Variants in ERCC6 observed in about 807,000 individuals in gnomAD.
The protein encoded by ERCC6 is DNA excision repair protein ERCC-6.
In ERCC6, 116 loss-of-function variants were observed where a neutral mutation model predicts 158.7. That is an observed-to-expected ratio of 0.73 (90% CI 0.63 to 0.85). ERCC6 has a LOEUF of 0.85. Ranked by LOEUF, ERCC6 falls within the 40% of genes least tolerant of loss-of-function variation. The probability of loss-of-function intolerance (pLI) is 0.00; values close to 1 mark genes in which losing one functional copy is unlikely to be tolerated. For synonymous variants in ERCC6, 678 were observed against 659.3 expected, an observed-to-expected ratio of 1.03 and a Z score of -0.43; for missense variants, 1,698 against 1,799.4, an observed-to-expected ratio of 0.94 and a Z score of 1.02.
At chr10:49,500,842 ATTATAT>A (rs1401931986) in intron 6 of ERCC6, 146 bp from the exon 7 acceptor site, 12 of 806,730 alleles carry the variant, frequency 1.5e-5, no homozygotes, top group East Asian at 2.7e-5. Flanking sequence ...TTACATGAGT[ATTATAT>A]TTATAAGGTC....
chr10:49,484,817 T>A (rs887317884), intron 8 of ERCC6, among the ~76,000 whole-genome samples: 1 of 152,090 alleles, frequency 6.6e-6, no homozygotes, highest in African/African-American at 2.4e-5. Context: ...AAGAAAATAT[T>A]CCCTTCAGAG....
At chr10:49,479,701 C>A (rs888439388) in intron 10 of ERCC6, among the ~76,000 whole-genome samples, 1 of 152,196 alleles carries the variant, frequency 6.6e-6, no homozygotes, top group African/African-American at 2.4e-5. Flanking sequence ...ACCCACACCC[C>A]CTTCCGCAGA....
intron 6 of ERCC6, chr10:49,504,946 T>C (rs766857552): frequency 1.3e-5 from 2 of 151,958 alleles, no homozygotes; most frequent in Non-Finnish European, 2.9e-5. Context: ...TGAGAGAAAA[T>C]ATAAAGAGCA....
intron 5 of ERCC6, chr10:49,515,506 C>CT: frequency 6.2e-7 from 1 of 1,614,090 alleles, no homozygotes; most frequent in Non-Finnish European, 8.5e-7. Flanking sequence ...TGAGGTCTTC[C>CT]TTTTTGGCCA....
chr10:49,473,357 G>C, intron 14 of ERCC6, 120 bp downstream of exon 14: 1 of 816,016 alleles, frequency 1.2e-6, no homozygotes, highest in Non-Finnish European at 2.2e-6. Flanking sequence ...TCTCCCCTTA[G>C]GCCCCCTCCC....
chr10:49,493,252 C>T lies in ERCC6; in HGVS notation c.1686G>A (p.Arg562=). The T allele has an allele frequency of 9.9e-6, 16 of 1,614,086 alleles. No individual in the cohort carries two copies. Among genetic ancestry groups the T allele is most frequent in the Non-Finnish European group, 1.4e-5 (16 of 1,180,014 alleles). Residue 562 remains arginine, a splice_region_variant and synonymous_variant, in exon 8 of 21, where the codon AGG becomes AGA. Transcript: ENST00000355832. ...SKIRTRGSNY[R]FEGLGPTVIV... ...TTACAGTTGGACCCAACCCCTCAAA[C>T]CTGCATCCAAACGTCCAAGAAGAAA...
rs116032070 is a variant in ERCC6 at position 49,461,531 on chromosome 10, G to A, written c.3804C>T (p.His1268=). Residue 1268 remains histidine (H), a synonymous_variant, in exon 19 of 21, where the codon CAC becomes CAT. Coordinates refer to ENST00000355832, the MANE Select transcript of ERCC6 (RefSeq NM_000124.4). Reference sequence around the variant, plus strand: ...GGCTGGCTCCATCCATGATGGCATCGTGCTTCATGACACTGTGCACGCCAA... The same window carrying A: ...GGCTGGCTCCATCCATGATGGCATCATGCTTCATGACACTGTGCACGCCAA... ...KSVGVHSVMK[H]DAIMDGASPD... 7.3e-4 allele frequency: 1,183 copies of A among 1,613,910 alleles called. 2 individuals are homozygous for A. Among genetic ancestry groups the A allele is most frequent in the Non-Finnish European group, 9.2e-4 (1,091 of 1,179,934 alleles).
intron 1 of ERCC6, among the ~76,000 whole-genome samples, chr10:49,535,313 G>C (rs1166267962): frequency 2.6e-5 from 4 of 152,300 alleles, no homozygotes; most frequent in South Asian, 4.1e-4. Context: ...GGAAAGTCTG[G>C]GTGACATGTG....
chr10:49,493,204 C>A lies in ERCC6; in HGVS notation c.1734G>T (p.Met578Ile). 2 of 1,614,144 alleles carry A rather than the reference C, an allele frequency of 1.2e-6. No homozygotes were observed. The highest frequency in any genetic ancestry group is 1.7e-6 in the Non-Finnish European group (2 of 1,180,002). Reference protein sequence around the residue: ...PTVIVCPTTVMHQWVKEFHTW... With the variant: ...PTVIVCPTTVIHQWVKEFHTW... ...TGTGAAATTCCTTCACCCACTGATGCATCACTGTTGTTGGACAGACAATTA... is the reference window on the plus strand; with the variant it reads ...TGTGAAATTCCTTCACCCACTGATGAATCACTGTTGTTGGACAGACAATTA... Residue 578 changes from methionine to isoleucine, a missense_variant, in exon 8 of 21, where the codon ATG (methionine) becomes ATT (isoleucine). Transcript: ENST00000355832.
At chr10:49,461,658 T>C (rs1235531053) in intron 18 of ERCC6, 102 bp from the exon 19 acceptor site, 8 of 1,121,782 alleles carry the variant, frequency 7.1e-6, no homozygotes, top group Non-Finnish European at 7.8e-6. Flanking sequence ...AAAAACAAAG[T>C]GATAGTACAC....
At position 49,524,561 on chromosome 10, in the gene ERCC6, C is replaced by T; in HGVS notation, c.869G>A (p.Cys290Tyr). The change falls in exon 5 of 21, where the codon TGT becomes TAT. Residue 290 changes from cysteine (C) to tyrosine (Y), a missense_variant. Physicochemically the swap from Cys to Tyr is radical, Grantham distance 194. Coordinates refer to ENST00000355832, the MANE Select transcript of ERCC6 (RefSeq NM_000124.4). ...AGCTTTTCTAGCTGCTCTTTTATTACAACCTTGCTTCTTCCTTTCAAAAGA... is the reference window on the plus strand; with the variant it reads ...AGCTTTTCTAGCTGCTCTTTTATTATAACCTTGCTTCTTCCTTTCAAAAGA... ...KLSFERKKQG[C>Y]NKRAARKAPA... 4 of 1,614,226 alleles carry T rather than the reference C, an allele frequency of 2.5e-6. No individual in the cohort carries two copies. Among genetic ancestry groups the T allele is most frequent in the Non-Finnish European group, 3.4e-6 (4 of 1,180,030 alleles).
rs371544606 is a variant in ERCC6 at position 49,524,039 on chromosome 10, C to T, written c.1391G>A (p.Arg464Gln). The T allele has an allele frequency of 9.9e-6, 16 of 1,613,114 alleles. No individual in the cohort carries two copies. The East Asian group carries it at 3.3e-4, about 34-fold the overall frequency. ...ATAATCCCCACAGACCGACCTTAAC[C>T]GCTGCTTATAATAATCTTCATCTCC... Reference protein sequence around the residue: ...DDGDEDYYKQRLRRWNKLRLQ... With the variant: ...DDGDEDYYKQQLRRWNKLRLQ... Residue 464 changes from arginine to glutamine, a missense_variant, in exon 5 of 21, where the codon CGG (arginine) becomes CAG (glutamine). By Grantham distance (43) the Arg-to-Gln change is conservative (BLOSUM62 1). Coordinates refer to ENST00000355832, the MANE Select transcript of ERCC6 (RefSeq NM_000124.4).
intron 5 of ERCC6, among the ~76,000 whole-genome samples, chr10:49,517,307 T>C (rs945969434): frequency 6.6e-6 from 1 of 152,228 alleles, no homozygotes; most frequent in African/African-American, 2.4e-5. Context: ...GTATAGGATG[T>C]AGTGCAGTAA....
At chr10:49,452,779 T>C (rs1293510886), downstream of ERCC6, among the ~76,000 whole-genome samples, 2 of 152,168 alleles carry the variant, frequency 1.3e-5, no homozygotes, top group African/African-American at 4.8e-5. Flanking sequence ...TTACAACTGT[T>C]ATATCTTTTT....
At position 49,524,397 on chromosome 10, in the gene ERCC6, T is replaced by C. The variant is rs1837258723; in HGVS notation, c.1033A>G (p.Lys345Glu). 1 of 1,614,082 alleles carries C rather than the reference T, an allele frequency of 6.2e-7. No individual in the cohort carries two copies. The highest frequency in any genetic ancestry group is 8.5e-7 in the Non-Finnish European group (1 of 1,180,050). Residue 345 changes from lysine (K) to glutamate (E), a missense_variant, in exon 5 of 21, where the codon AAA becomes GAA. By Grantham distance (56) the Lys-to-Glu change is moderately conservative (BLOSUM62 1). Coordinates refer to ENST00000355832, the MANE Select transcript of ERCC6 (RefSeq NM_000124.4). ...CTCCTTGCCTTTGGCAATCCCACTT[T>C]CCCCTGGAACTGCAAAGCCCTCTTC... ...LQKRALQFQG[K>E]VGLPKARRPW...
chr10:49,491,148 G>C (rs1681204242), intron 8 of ERCC6, among the ~76,000 whole-genome samples: 1 of 152,256 alleles, frequency 6.6e-6, no homozygotes, highest in East Asian at 1.9e-4. Flanking sequence ...CAATAGTAAG[G>C]CCTATGGAAA....
At chr10:49,526,927 A>C (rs1313826954) in intron 4 of ERCC6, among the ~76,000 whole-genome samples, 1 of 152,238 alleles carries the variant, frequency 6.6e-6, no homozygotes, top group Non-Finnish European at 1.5e-5. Flanking sequence ...TGGGGAATAG[A>C]TAACCAGGGA....
At chr10:49,504,681 C>G (rs564042565) in intron 6 of ERCC6, 1 of 152,080 alleles carries the variant, frequency 6.6e-6, no homozygotes, top group Non-Finnish European at 1.5e-5. Context: ...ATAAAAGTGG[C>G]CTTTATTTAC....
At chr10:49,445,842 A>C in the ERCC6 span, among the ~76,000 whole-genome samples, 1 of 152,196 alleles carries the variant, frequency 6.6e-6, no homozygotes, top group East Asian at 1.9e-4. Context: ...GCAGACAAAA[A>C]TATGGGCTTG....
Sources: gnomAD v4.1 joint callset for allele counts (sites outside exome capture counted in the v4.1 genomes callset) on GRCh38, gnomAD v4.1.1 for gene constraint, MANE v1.5 for transcripts, NCBI Gene and HGNC (gene_info 2026-07-23, HGNC 2026-07-21) for gene names.